The following GLT1D1 variants were observed in gnomAD, a reference collection of about 807,000 sequenced individuals.
The protein encoded by GLT1D1 is glycosyltransferase 1 domain-containing protein 1.
A neutral mutation model predicts 28.7 loss-of-function variants in GLT1D1; 21 were observed. The observed-to-expected ratio is 0.73, with a 90% CI of 0.52 to 1.05. GLT1D1 has a LOEUF of 1.05. GLT1D1 is among the 50% of genes least tolerant of loss of function. The probability of loss-of-function intolerance (pLI) is 0.00; values close to 1 mark genes in which losing one functional copy is unlikely to be tolerated. For missense variants in GLT1D1, 343 were observed against 330.6 expected, an observed-to-expected ratio of 1.04 and a Z score of -0.29; for synonymous variants, 147 against 124.8, an observed-to-expected ratio of 1.18 and a Z score of -1.19.
intron 4 of GLT1D1, among the ~76,000 whole-genome samples, chr12:128,928,034 A>G (rs1360281836): frequency 6.8e-6 from 1 of 146,128 alleles, no homozygotes. Flanking sequence ...AACAAAAAAG[A>G]ATAGAAAAAA....
chr12:128,931,109 C>T (rs572164983), intron 4 of GLT1D1, among the ~76,000 whole-genome samples: 2 of 151,124 alleles, frequency 1.3e-5, no homozygotes, highest in South Asian at 2.1e-4. Flanking sequence ...TCAAGCAATT[C>T]TCCTGCCTCA....
At chr12:128,912,430 G>T in intron 4 of GLT1D1, 1 of 1,526,660 alleles carries the variant, frequency 6.6e-7, no homozygotes, top group Non-Finnish European at 8.8e-7. Flanking sequence ...AAAGCCGCAT[G>T]CTAAGGGTAA....
chr12:128,980,041 C>T (rs975321972), intron 7 of GLT1D1, among the ~76,000 whole-genome samples: 12 of 152,250 alleles, frequency 7.9e-5, no homozygotes, highest in Non-Finnish European at 1.8e-4. Context: ...GCTGAACCAT[C>T]ATAAGTCGGG....
chr12:128,942,189 G>C (rs887794027), intron 4 of GLT1D1, among the ~76,000 whole-genome samples: 2 of 151,840 alleles, frequency 1.3e-5, no homozygotes, highest in African/African-American at 2.4e-5. Flanking sequence ...AGCAGGCCCT[G>C]TGAAGGACCA....
intron 4 of GLT1D1, among the ~76,000 whole-genome samples, chr12:128,914,516 T>C (rs1017059129): frequency 2.6e-5 from 4 of 152,158 alleles, no homozygotes; most frequent in African/African-American, 9.7e-5. Flanking sequence ...GTGCTACTGT[T>C]ATTTAAACTT....
In GLT1D1 at chr12:128,969,229, C is replaced by A. The variant is rs1209431906; in HGVS notation, c.639+11586C>A. 3.3e-5 allele frequency among the ~76,000 whole-genome samples: 5 copies of A among 151,538 alleles called. No individual in the cohort carries two copies. In the South Asian group the frequency reaches 1.0e-3, roughly 32 times the overall value. The stretch of plus-strand genomic sequence containing the variant: ...TCAGTCTCTGTTTCTCTCATTGTCT[C>A]TTCCTCTGTCTCTGTTTCTACCTCT... On this transcript the variant is annotated intron_variant, in intron 7 of 7. Coordinates refer to ENST00000281703, the MANE Select transcript of GLT1D1 (RefSeq NM_144669.3).
At chr12:128,899,207 T>C in intron 3 of GLT1D1, 29 bp from the exon 4 acceptor site, 8 of 1,567,818 alleles carry the variant, frequency 5.1e-6, no homozygotes, top group Non-Finnish European at 7.0e-6. Context: ...CTGGCCTAAT[T>C]GTTTCTATTA....
chr12:128,956,528 T>A (rs1877333515), intron 6 of GLT1D1, among the ~76,000 whole-genome samples: 1 of 152,184 alleles, frequency 6.6e-6, no homozygotes, highest in South Asian at 2.1e-4. Context: ...CCCGATGACC[T>A]TTTACTCAAT....
chr12:128,870,791 A>G (rs1956663885), intron 1 of GLT1D1, among the ~76,000 whole-genome samples: 1 of 152,194 alleles, frequency 6.6e-6, no homozygotes, highest in African/African-American at 2.4e-5. Flanking sequence ...TGGGAGTTCG[A>G]GACCAGCCTG....
intron 6 of GLT1D1, among the ~76,000 whole-genome samples, chr12:128,952,052 A>T (rs1229371759): frequency 6.6e-6 from 1 of 152,038 alleles, no homozygotes; most frequent in African/African-American, 2.4e-5. Context: ...CATTCAGCAG[A>T]AATGTGTAGA....
intron 4 of GLT1D1, among the ~76,000 whole-genome samples, chr12:128,918,954 C>T (rs1371701369): frequency 1.3e-5 from 2 of 152,198 alleles, no homozygotes; most frequent in African/African-American, 4.8e-5. Context: ...GCTGCTTAAT[C>T]TTAATGTGTG....
intron 7 of GLT1D1, among the ~76,000 whole-genome samples, chr12:128,970,171 C>T (rs1593205516): frequency 6.6e-6 from 1 of 152,194 alleles, no homozygotes; most frequent in African/African-American, 2.4e-5. Flanking sequence ...GGGCCAGGGT[C>T]TGTGGAGGAC....
At chr12:128,950,222 G>A (rs975123395) in intron 6 of GLT1D1, among the ~76,000 whole-genome samples, 16 of 152,152 alleles carry the variant, frequency 1.1e-4, no homozygotes, top group African/African-American at 3.4e-4. Context: ...GGTTCAAGGT[G>A]CCAGAATATA....
intron 4 of GLT1D1, among the ~76,000 whole-genome samples, chr12:128,923,119 T>C (rs1432445249): frequency 6.6e-6 from 1 of 152,092 alleles, no homozygotes; most frequent in Non-Finnish European, 1.5e-5. Context: ...TTTTGAAGCT[T>C]TTGTGATTGC....
At chr12:128,952,469 C>CTTTTT (rs1555218596) in intron 6 of GLT1D1, among the ~76,000 whole-genome samples, 8 of 120,676 alleles carry the variant, frequency 6.6e-5, no homozygotes, top group Non-Finnish European at 1.3e-4. Context: ...AAATTTCTTT[C>CTTTTT]TTTTTTTTTT....
chr12:128,960,815 T>A (rs1877865321), intron 7 of GLT1D1, among the ~76,000 whole-genome samples: 1 of 152,136 alleles, frequency 6.6e-6, no homozygotes, highest in Non-Finnish European at 1.5e-5. Flanking sequence ...CAGCATTCCA[T>A]TTTTTAAGAA....
intron 2 of GLT1D1, among the ~76,000 whole-genome samples, chr12:128,887,307 G>A (rs796348115): frequency 9.2e-5 from 14 of 152,198 alleles, no homozygotes; most frequent in African/African-American, 2.6e-4. Flanking sequence ...GTGAGCCACC[G>A]CACCTGGCCC....
intron 3 of GLT1D1, among the ~76,000 whole-genome samples, 191 bp from the exon 4 acceptor site, chr12:128,899,045 C>A (rs577589625): frequency 2.0e-5 from 3 of 152,194 alleles, no homozygotes; most frequent in Non-Finnish European, 2.9e-5. Context: ...TTACTTCTTG[C>A]ATATAAAACT....
At chr12:128,890,651 G>T (rs772568076) in intron 3 of GLT1D1, among the ~76,000 whole-genome samples, 5 of 151,570 alleles carry the variant, frequency 3.3e-5, no homozygotes, top group African/African-American at 7.3e-5. Flanking sequence ...TGGGTGTGGT[G>T]GTGGGTACCT....
Sources: gnomAD v4.1 joint callset for allele counts (sites outside exome capture counted in the v4.1 genomes callset) on GRCh38, gnomAD v4.1.1 for gene constraint, MANE v1.5 for transcripts, NCBI Gene and HGNC (gene_info 2026-07-23, HGNC 2026-07-21) for gene names.